The following ASH1L variants were observed in gnomAD, a reference collection of about 807,000 sequenced individuals.
ASH1L encodes the protein histone-lysine N-methyltransferase ASH1L.
ASH1L carries 23 observed loss-of-function variants against 269.0 expected under a neutral mutation model. The ratio of observed to expected loss-of-function variants is 0.09; its 90% CI spans 0.06 to 0.12. ASH1L has a LOEUF of 0.12. ASH1L is among the 10% of genes least tolerant of loss of function. ASH1L has a pLI of 1.00. For missense variants in ASH1L, 2,912 were observed against 3,567.8 expected (o/e 0.82, Z 4.68); for synonymous variants, 1,187 against 1,253.5 (o/e 0.95, Z 1.12).
At chr1:155,404,255 C>T (rs183249837) in intron 6 of ASH1L, among the ~76,000 whole-genome samples, 4 of 151,954 alleles carry the variant, frequency 2.6e-5, no homozygotes, top group African/African-American at 9.7e-5. Flanking sequence ...CTGGAGGAGG[C>T]TGAGGTAAGA....
chr1:155,384,660 T>C (rs1201824496), intron 7 of ASH1L, among the ~76,000 whole-genome samples: 6 of 152,050 alleles, frequency 3.9e-5, no homozygotes, highest in Admixed American at 3.9e-4. Context: ...CCCAAGGTAT[T>C]TGGTATTACA....
At chr1:155,355,825 C>T (rs1654329208) in intron 15 of ASH1L, among the ~76,000 whole-genome samples, 1 of 151,350 alleles carries the variant, frequency 6.6e-6, no homozygotes, top group African/African-American at 2.4e-5. Flanking sequence ...CTGAAAGAGA[C>T]AATTCTTATC....
intron 10 of ASH1L, among the ~76,000 whole-genome samples, chr1:155,375,331 A>G (rs1410573334): frequency 6.6e-6 from 1 of 152,228 alleles, no homozygotes; most frequent in Non-Finnish European, 1.5e-5. Flanking sequence ...GACAACCAGA[A>G]TAAGTCCTTA....
rs942308811 is a variant in ASH1L at position 155,335,757 on chromosome 1, AGTT to A, written c.*1900_*1902del. ...TTGCTTCTGTTCTCGCATTTTACAA[AGTT>A]TTTTTTTCTTTTTCATCTTTTTTAA... is the stretch of plus-strand genomic sequence containing the variant. On this transcript the variant is annotated 3_prime_UTR_variant, in exon 28 of 28. Transcript: ENST00000392403. 3 of 152,536 alleles carry A rather than the reference AGTT, an allele frequency of 2.0e-5. No homozygotes were observed. Among genetic ancestry groups the A allele is most frequent in the African/African-American group, 7.3e-5 (3 of 41,350 alleles). 9.4% of individuals were successfully genotyped at this position (152,536 alleles called of 1,614,324 possible).
At chr1:155,376,410 TC>T (rs764865747) in intron 10 of ASH1L, among the ~76,000 whole-genome samples, 3 of 152,194 alleles carry the variant, frequency 2.0e-5, no homozygotes, top group Non-Finnish European at 4.4e-5. Context: ...ATTCACTGAT[TC>T]TTTTTTATTT....
At chr1:155,439,802 ATC>A (rs1662398182) in intron 4 of ASH1L, among the ~76,000 whole-genome samples, 2 of 151,876 alleles carry the variant, frequency 1.3e-5, no homozygotes, top group South Asian at 4.2e-4. Flanking sequence ...TGGATTTCTT[ATC>A]TATATGACTT....
At chr1:155,459,678 A>T in intron 4 of ASH1L, 119 bp downstream of exon 4, 1 of 783,030 alleles carries the variant, frequency 1.3e-6, no homozygotes, top group Non-Finnish European at 2.1e-6. Flanking sequence ...TTGAATGGAA[A>T]AATAAAATAC....
chr1:155,378,591 A>C, intron 8 of ASH1L, 43 bp from the exon 9 acceptor site: 4 of 1,492,844 alleles, frequency 2.7e-6, no homozygotes, highest in Non-Finnish European at 3.7e-6. Flanking sequence ...ATTTAACTTC[A>C]AATGCCAGAC....
In ASH1L at chr1:155,425,254, C is replaced by G. The variant is rs187686619; in HGVS notation, c.5829-9331G>C. Among the ~76,000 whole-genome samples the G allele has an allele frequency of 2.6e-3, 394 of 150,710 alleles. 2 individuals carry two copies. Among genetic ancestry groups the G allele is most frequent in the Non-Finnish European group, 4.4e-3 (298 of 67,744 alleles). ...CTCCCAAAAGTGCTGGGATTACAGG[C>G]ATGGGCCACCACGCCCGGCCTAGTT... On this transcript the variant is annotated intron_variant, in intron 5 of 27. Transcript: ENST00000392403.
chr1:155,341,790 G>A (rs887649734), intron 25 of ASH1L, 146 bp downstream of exon 25: 4 of 808,520 alleles, frequency 4.9e-6, no homozygotes, highest in Non-Finnish European at 8.1e-6. Flanking sequence ...CTGTTCAAAT[G>A]TCCCAAATAG....
chr1:155,357,760 A>C lies in ASH1L; in HGVS notation c.6796-11T>G. 1.3e-6 allele frequency: 2 copies of C among 1,598,848 alleles called. No homozygotes were observed. The highest frequency in any genetic ancestry group is 1.7e-6 in the Non-Finnish European group (2 of 1,175,786). On this transcript the variant is annotated splice_polypyrimidine_tract_variant and intron_variant, in intron 13 of 27. Coordinates refer to ENST00000392403, the MANE Select transcript of ASH1L (RefSeq NM_018489.3). ...ACACTTACAAAGTTGCTTTGAAGGG[A>C]GAGAATAATTTTTTTATTTTTATTT...
At chr1:155,351,766 G>T (rs898829620) in intron 17 of ASH1L, among the ~76,000 whole-genome samples, 6 of 151,738 alleles carry the variant, frequency 4.0e-5, no homozygotes, top group Non-Finnish European at 8.8e-5. Flanking sequence ...CAGGAGAATC[G>T]CTGGAACCCA....
At chr1:155,534,690 CAAAG>C (rs1293071387) in intron 1 of ASH1L, among the ~76,000 whole-genome samples, 2 of 151,718 alleles carry the variant, frequency 1.3e-5, no homozygotes, top group Non-Finnish European at 2.9e-5. Context: ...AGTGGAAAGT[CAAAG>C]AGAGAGCTGA....
intron 26 of ASH1L, among the ~76,000 whole-genome samples, chr1:155,338,992 C>T (rs1375276496): frequency 6.6e-6 from 1 of 152,182 alleles, no homozygotes; most frequent in Non-Finnish European, 1.5e-5. Flanking sequence ...GTACTGGCTA[C>T]ATCTGTTCCT....
intron 1 of ASH1L, among the ~76,000 whole-genome samples, chr1:155,547,634 A>T (rs1446617646): frequency 1.3e-5 from 2 of 152,030 alleles, no homozygotes; most frequent in Non-Finnish European, 2.9e-5. Context: ...GAGGCAGGAG[A>T]ATCGCTTGAA....
intron 6 of ASH1L, among the ~76,000 whole-genome samples, chr1:155,403,499 G>A (rs1389224815): frequency 6.6e-6 from 1 of 152,078 alleles, no homozygotes; most frequent in Non-Finnish European, 1.5e-5. Context: ...CTAAGCCTTA[G>A]CTTCTTCAAT....
At chr1:155,550,027 C>CT (rs34769708) in intron 1 of ASH1L, among the ~76,000 whole-genome samples, 3,389 of 148,792 alleles carry the variant, frequency 0.023, 117 homozygotes, top group African/African-American at 0.078. Flanking sequence ...ACGATAGCCT[C>CT]TTTTTTTTTT....
At position 155,391,779 on chromosome 1, in the gene ASH1L, A is replaced by T. The variant is rs533567625; in HGVS notation, c.6103+3680T>A. On this transcript the variant is annotated intron_variant, in intron 7 of 27. Transcript: ENST00000392403. ...AGACTAGCCTGAGCAACATGGTGAA[A>T]CCCTATCTTTATCAAAAGTACAAAA... is the stretch of plus-strand genomic sequence containing the variant. Among the ~76,000 whole-genome samples, 152 of 151,942 alleles carry T rather than the reference A, an allele frequency of 1.0e-3. 1 individual carries two copies. The highest frequency in any genetic ancestry group is 3.5e-3 in the African/African-American group (147 of 41,422).
chr1:155,460,564 C>A (rs574128654), intron 3 of ASH1L, among the ~76,000 whole-genome samples: 2 of 152,130 alleles, frequency 1.3e-5, no homozygotes. Context: ...GCCGAGATTG[C>A]GCCATTGCAC....
Sources: gnomAD v4.1 joint callset for allele counts (sites outside exome capture counted in the v4.1 genomes callset) on GRCh38, gnomAD v4.1.1 for gene constraint, MANE v1.5 for transcripts, NCBI Gene and HGNC (gene_info 2026-07-23, HGNC 2026-07-21) for gene names.